Variants in VAV2 observed in about 807,000 individuals in gnomAD.
VAV2 encodes guanine nucleotide exchange factor VAV2.
In VAV2, 67 loss-of-function variants were observed where a neutral mutation model predicts 132.5. The observed-to-expected ratio is 0.51, with a 90% CI of 0.42 to 0.62. The LOEUF is 0.62. Ranked by LOEUF, VAV2 falls within the 20% of genes least tolerant of loss-of-function variation. VAV2 has a pLI of 0.00. For synonymous variants in VAV2, 492 were observed against 443.5 expected (o/e 1.11, Z -1.37); for missense variants, 938 against 1,153.6 (o/e 0.81, Z 2.71).
rs529421319 is a variant in VAV2, at chr9:133,886,243, C to G, written c.322-24811G>C. Among the ~76,000 whole-genome samples, 19 of 152,330 alleles carry G rather than the reference C, an allele frequency of 1.2e-4. No individual in the cohort carries two copies. The South Asian group carries it at 3.9e-3, about 32-fold the overall frequency. ...CATGCAAGAAACTCCGCAAGAATAG[C>G]ACATGAGGGGCTGGGCCTCGTCTGA... On this transcript the variant is annotated intron_variant, in intron 2 of 29. Coordinates refer to ENST00000371850, the MANE Select transcript of VAV2 (RefSeq NM_001134398.2).
chr9:133,871,706 T>C (rs1332675395), intron 2 of VAV2, among the ~76,000 whole-genome samples: 1 of 152,108 alleles, frequency 6.6e-6, no homozygotes, highest in Non-Finnish European at 1.5e-5. Context: ...CCACCCACCA[T>C]GGAGGCACCA....
intron 2 of VAV2, among the ~76,000 whole-genome samples, chr9:133,934,185 C>G (rs1840820275): frequency 7.0e-6 from 1 of 143,144 alleles, no homozygotes; most frequent in Admixed American, 7.1e-5. Flanking sequence ...TTTGTCTTCC[C>G]AAGGAATGAC....
At chr9:133,798,135 C>T (rs971148393) in intron 9 of VAV2, among the ~76,000 whole-genome samples, 27 of 152,292 alleles carry the variant, frequency 1.8e-4, no homozygotes, top group African/African-American at 6.5e-4. Flanking sequence ...AGGGCCAACA[C>T]TGGAGGAAAG....
chr9:133,907,929 C>G (rs1242659647), intron 2 of VAV2, among the ~76,000 whole-genome samples: 1 of 145,066 alleles, frequency 6.9e-6, no homozygotes, highest in Non-Finnish European at 1.5e-5. Flanking sequence ...ACCATGCCCC[C>G]CTTCCTTCAC....
chr9:133,905,416 A>T (rs1440326826), intron 2 of VAV2, among the ~76,000 whole-genome samples: 1 of 142,704 alleles, frequency 7.0e-6, no homozygotes, highest in Non-Finnish European at 1.5e-5. Flanking sequence ...AGCCTGGGTG[A>T]CAGAGTGAAA....
intron 2 of VAV2, among the ~76,000 whole-genome samples, chr9:133,922,273 C>T (rs1317127822): frequency 1.3e-5 from 2 of 152,250 alleles, no homozygotes; most frequent in East Asian, 3.8e-4. Flanking sequence ...AGAGCGTCTA[C>T]CTGCCTGGGC....
Position 133,834,222 on chromosome 9 carries a change from C to T in VAV2, c.449+50G>A. 6.4e-7 allele frequency: 1 copy of T among 1,564,820 alleles called. No individual in the cohort carries two copies. Among genetic ancestry groups the T allele is most frequent in the Non-Finnish European group, 8.7e-7 (1 of 1,151,832 alleles). ...TGACTCCCTGGACACCACCAGGAAC[C>T]TCCCTGCCCCTCCCTCCTCTCCATC... On this transcript the variant is annotated intron_variant, in intron 4 of 29. Coordinates refer to ENST00000371850, the MANE Select transcript of VAV2 (RefSeq NM_001134398.2). The surrounding 1 kb of genome is among the most constrained non-coding windows in gnomAD (Gnocchi z 5.9).
chr9:133,873,634 C>T (rs577597552), intron 2 of VAV2, among the ~76,000 whole-genome samples: 105 of 152,342 alleles, frequency 6.9e-4, no homozygotes, highest in Non-Finnish European at 1.2e-3. Flanking sequence ...CCCTGTGTCC[C>T]AGGGCTGGGC....
intron 1 of VAV2, among the ~76,000 whole-genome samples, chr9:133,941,608 T>G (rs112194926): frequency 1.8e-4 from 24 of 135,526 alleles, no homozygotes; most frequent in African/African-American, 4.8e-4. Flanking sequence ...CACTTTTTTT[T>G]GGGGGGGGGG....
intron 1 of VAV2, among the ~76,000 whole-genome samples, chr9:133,964,069 A>AC (rs1491248432): frequency 2.4e-5 from 3 of 126,230 alleles, no homozygotes; most frequent in African/African-American, 9.3e-5. Context: ...ACATATATAT[A>AC]AATGAATAGG....
intron 2 of VAV2, among the ~76,000 whole-genome samples, chr9:133,915,428 C>T (rs10116423): frequency 0.017 from 2,561 of 152,344 alleles, 64 homozygotes; most frequent in South Asian, 0.057. Context: ...TCCCAAGGAG[C>T]ACAGGTGGTG....
At chr9:133,866,922 G>A (rs1008977365) in intron 2 of VAV2, among the ~76,000 whole-genome samples, 4 of 152,112 alleles carry the variant, frequency 2.6e-5, no homozygotes, top group African/African-American at 9.7e-5. Flanking sequence ...ACATGGAAGC[G>A]GGAACTCCGG....
chr9:133,786,002 A>AT, intron 16 of VAV2, 117 bp from the exon 17 acceptor site: 1 of 825,132 alleles, frequency 1.2e-6, no homozygotes, highest in Non-Finnish European at 1.9e-6. Flanking sequence ...ATATGTGCAC[A>AT]GGTGCCTGTG....
At chr9:133,877,449 G>A (rs975019888) in intron 2 of VAV2, among the ~76,000 whole-genome samples, 10 of 152,294 alleles carry the variant, frequency 6.6e-5, no homozygotes, top group East Asian at 1.9e-4. Context: ...TGGGTGACAC[G>A]TTCGGCTCTG....
chr9:133,830,142 T>C (rs899244707), intron 4 of VAV2, among the ~76,000 whole-genome samples: 1 of 152,218 alleles, frequency 6.6e-6, no homozygotes, highest in Non-Finnish European at 1.5e-5. Context: ...AGTCTTTGAC[T>C]TTCCCCAAAC....
At chr9:133,807,018 C>T (rs1022189375) in intron 8 of VAV2, among the ~76,000 whole-genome samples, 3 of 152,254 alleles carry the variant, frequency 2.0e-5, no homozygotes, top group African/African-American at 7.2e-5. Context: ...GTGCCTCCAG[C>T]CACGCACGTC....
chr9:133,937,967 G>C (rs1169034361), intron 2 of VAV2, among the ~76,000 whole-genome samples: 1 of 152,258 alleles, frequency 6.6e-6, no homozygotes, highest in East Asian at 1.9e-4. Context: ...GAAGCGCCAA[G>C]CCTGGTGGCT....
chr9:133,907,656 C>T lies in VAV2; in HGVS notation c.321+31447G>A, dbSNP rs116010192. On this transcript the variant is annotated intron_variant, in intron 2 of 29. Coordinates refer to ENST00000371850, the MANE Select transcript of VAV2 (RefSeq NM_001134398.2). ...ACTCTGGAGGGGACGCTGACATTTCCTAGATCCACCGCCATCCTCGTAAAT... is the reference window on the plus strand; with the variant it reads ...ACTCTGGAGGGGACGCTGACATTTCTTAGATCCACCGCCATCCTCGTAAAT... Among the ~76,000 whole-genome samples the T allele has an allele frequency of 7.9e-3, 1,199 of 152,350 alleles. 20 individuals carry two copies. Among genetic ancestry groups the T allele is most frequent in the African/African-American group, 0.027 (1,123 of 41,572 alleles).
At chr9:133,948,466 C>T (rs563548788) in intron 1 of VAV2, among the ~76,000 whole-genome samples, 10 of 152,206 alleles carry the variant, frequency 6.6e-5, no homozygotes, top group African/African-American at 2.2e-4. Flanking sequence ...CCAGCCTTGC[C>T]CCCAGGTCAG....
Sources: allele counts gnomAD v4.1 joint callset (sites outside exome capture counted in the v4.1 genomes callset), GRCh38; gene constraint gnomAD v4.1.1; non-coding constraint Gnocchi (gnomAD v3.1); transcripts MANE v1.5; gene names NCBI Gene and HGNC (gene_info 2026-07-23, HGNC 2026-07-21).